The following EYS variants were observed in gnomAD, a reference collection of about 807,000 sequenced individuals.
EYS encodes protein eyes shut homolog.
In EYS, 250 loss-of-function variants were observed where a neutral mutation model predicts 282.1. The ratio of observed to expected loss-of-function variants is 0.89; its 90% CI spans 0.80 to 0.98. The LOEUF (loss-of-function observed/expected upper bound fraction) is 0.98. Among genes scored for constraint, EYS ranks in the 50% least tolerant of loss-of-function variants. EYS has a pLI of 0.00. For missense variants in EYS, 4,016 were observed against 3,709.0 expected (o/e 1.08, Z -2.15); for synonymous variants, 1,355 against 1,282.9 (o/e 1.06, Z -1.20).
chr6:65,619,633 G>T (rs530967448), intron 2 of EYS, among the ~76,000 whole-genome samples: 1 of 151,828 alleles, frequency 6.6e-6, no homozygotes, highest in African/African-American at 2.4e-5. Flanking sequence ...TCTTGTGCCC[G>T]TTTTCAAAGG....
intron 29 of EYS, among the ~76,000 whole-genome samples, chr6:64,360,236 T>C (rs1048110734): frequency 2.0e-5 from 3 of 151,784 alleles, no homozygotes; most frequent in Admixed American, 6.6e-5. Flanking sequence ...AGATCTTCAA[T>C]TTGTCTTTCA....
At chr6:64,840,819 T>C (rs1417907176) in intron 19 of EYS, among the ~76,000 whole-genome samples, 1 of 152,122 alleles carries the variant, frequency 6.6e-6, no homozygotes, top group Non-Finnish European at 1.5e-5. Context: ...TGTCCAATAC[T>C]ACAGTTTTCA....
At chr6:63,811,312 C>T (rs1017876687) in intron 36 of EYS, among the ~76,000 whole-genome samples, 3 of 152,148 alleles carry the variant, frequency 2.0e-5, no homozygotes, top group Admixed American at 1.3e-4. Context: ...TTTCTTTGAA[C>T]TTTTGTATGT....
chr6:64,767,487 C>T (rs1773388775), intron 22 of EYS, among the ~76,000 whole-genome samples: 1 of 151,964 alleles, frequency 6.6e-6, no homozygotes, highest in East Asian at 1.9e-4. Context: ...CTATTTTTTA[C>T]CTTTATGATT....
chr6:64,980,504 T>C (rs1256349915), intron 14 of EYS, among the ~76,000 whole-genome samples: 1 of 151,496 alleles, frequency 6.6e-6, no homozygotes, highest in Non-Finnish European at 1.5e-5. Context: ...TAAATACATA[T>C]TTCTATAAAT....
Position 65,153,363 on chromosome 6 carries a change from ATGTGTGTGTGTG to A in EYS, c.2024-95648_2024-95637del, listed in dbSNP as rs67661407. 6.4e-3 allele frequency among the ~76,000 whole-genome samples: 866 copies of A among 135,842 alleles called. 10 individuals carry two copies. Among genetic ancestry groups the A allele is most frequent in the African/African-American group, 0.012 (432 of 37,008 alleles). The allele number at this position is 135,842 out of a possible 152,430, so 89.1% of individuals were successfully genotyped here. Reference sequence around the variant, plus strand: ...ACCCACAGAAATTCAGAGATCATAAATGTGTGTGTGTGTGTGTGTGTGTGTGTGTGTGTGTGT... The same window carrying A: ...ACCCACAGAAATTCAGAGATCATAAATGTGTGTGTGTGTGTGTGTGTGTGT... On this transcript the variant is annotated intron_variant, in intron 12 of 42. Coordinates refer to ENST00000503581, the MANE Select transcript of EYS (RefSeq NM_001142800.2).
At chr6:65,195,100 G>T (rs964781333) in intron 12 of EYS, among the ~76,000 whole-genome samples, 2 of 151,928 alleles carry the variant, frequency 1.3e-5, no homozygotes, top group Non-Finnish European at 2.9e-5. Flanking sequence ...TTAGCTATAA[G>T]TTTGACCTGG....
intron 26 of EYS, among the ~76,000 whole-genome samples, chr6:64,482,599 G>A (rs916052680): frequency 1.3e-5 from 2 of 151,628 alleles, no homozygotes. Context: ...TTACAATGTT[G>A]TATGACATAT....
At chr6:64,132,174 A>C (rs1185697963) in intron 31 of EYS, among the ~76,000 whole-genome samples, 2 of 152,154 alleles carry the variant, frequency 1.3e-5, no homozygotes, top group Non-Finnish European at 2.9e-5. Context: ...TTTCATATAC[A>C]GATCAAAAAA....
chr6:64,175,117 A>G (rs1464021763), intron 31 of EYS, among the ~76,000 whole-genome samples: 1 of 152,170 alleles, frequency 6.6e-6, no homozygotes, highest in Non-Finnish European at 1.5e-5. Context: ...CTTGTTATAA[A>G]TTTATTCCTG....
chr6:65,172,399 A>T (rs943607280), intron 12 of EYS, among the ~76,000 whole-genome samples: 1 of 151,392 alleles, frequency 6.6e-6, no homozygotes, highest in African/African-American at 2.4e-5. Context: ...ACATACACCA[A>T]TAAGAATGCT....
At chr6:65,569,118 A>G (rs571118717) in intron 2 of EYS, among the ~76,000 whole-genome samples, 8 of 152,102 alleles carry the variant, frequency 5.3e-5, no homozygotes, top group Non-Finnish European at 1.0e-4. Flanking sequence ...AAGAAGTGAA[A>G]ATGTATTGTT....
intron 36 of EYS, among the ~76,000 whole-genome samples, chr6:63,812,682 A>G (rs1395814826): frequency 6.6e-6 from 1 of 152,030 alleles, no homozygotes; most frequent in Non-Finnish European, 1.5e-5. Context: ...ATGATAGTAT[A>G]TCTCTGCCAT....
At chr6:65,653,132 G>A (rs1582566214) in intron 1 of EYS, among the ~76,000 whole-genome samples, 4 of 151,896 alleles carry the variant, frequency 2.6e-5, no homozygotes, top group African/African-American at 9.7e-5. Context: ...GAGAAAGGGC[G>A]AGGGAGAGAG....
At chr6:64,358,490 C>T (rs1242627541) in intron 29 of EYS, among the ~76,000 whole-genome samples, 3 of 151,568 alleles carry the variant, frequency 2.0e-5, no homozygotes, top group African/African-American at 7.3e-5. Context: ...TCTTCCAGTA[C>T]AAGAATATTC....
At chr6:64,927,586 G>A (rs957600893) in intron 15 of EYS, among the ~76,000 whole-genome samples, 2 of 151,994 alleles carry the variant, frequency 1.3e-5, no homozygotes, top group African/African-American at 4.8e-5. Context: ...ATTTGGCAAG[G>A]AGTTACAGGT....
At position 63,837,317 on chromosome 6, in the gene EYS, T is replaced by C. The variant is rs575234071; in HGVS notation, c.7228+26869A>G. On this transcript the variant is annotated intron_variant, in intron 36 of 42. Transcript: ENST00000503581. The stretch of plus-strand genomic sequence containing the variant: ...GGGATTTTCTCATCTGTGTAGAGAA[T>C]TTTGTTACGGATTTTTTTTTCTTGC... Among the ~76,000 whole-genome samples the C allele has an allele frequency of 1.5e-4, 23 of 152,024 alleles. No individual in the cohort carries two copies. The East Asian group carries it at 4.4e-3, about 29-fold the overall frequency.
rs915355161 is a variant in EYS, at chr6:63,938,872, T to G, written c.7055+45511A>C. ...TATTTTACAAAGAGCTGGACAGTTC[T>G]GGTCCTTGTTTTATCATGGGTCAGG... On this transcript the variant is annotated intron_variant, in intron 35 of 42. Coordinates refer to ENST00000503581, the MANE Select transcript of EYS (RefSeq NM_001142800.2). 5.2e-5 allele frequency among the ~76,000 whole-genome samples: 8 copies of G among 152,382 alleles called. 1 individual carries two copies. The highest frequency in any genetic ancestry group is 1.0e-4 in the Non-Finnish European group (7 of 68,044).
rs73765717 is a variant in EYS at position 65,015,024 on chromosome 6, T to A, written c.2138-17321A>T. Among the ~76,000 whole-genome samples, 960 of 151,884 alleles carry A rather than the reference T, an allele frequency of 6.3e-3. 18 individuals are homozygous for A. The highest frequency in any genetic ancestry group is 0.021 in the African/African-American group (859 of 41,386). ...AGTTTGGATTGATGCAAGGAAGGGG[T>A]CATGAGCCCAGGAACAAAGGCAGCC... On this transcript the variant is annotated intron_variant, in intron 13 of 42. Coordinates refer to ENST00000503581, the MANE Select transcript of EYS (RefSeq NM_001142800.2).
Sources: allele counts gnomAD v4.1 joint callset (sites outside exome capture counted in the v4.1 genomes callset), GRCh38; gene constraint gnomAD v4.1.1; transcripts MANE v1.5; gene names NCBI Gene and HGNC (gene_info 2026-07-23, HGNC 2026-07-21).